NPHS1: variants seen among roughly 807,000 people sequenced by gnomAD.
NPHS1 encodes nephrin.
In NPHS1, 107 loss-of-function variants were observed where a neutral mutation model predicts 139.7. That is an observed-to-expected ratio of 0.77 (90% confidence interval 0.66 to 0.90). The LOEUF (loss-of-function observed/expected upper bound fraction) is 0.90, where lower values mean the gene tolerates loss of function less well. Among genes scored for constraint, NPHS1 ranks in the 40% least tolerant of loss-of-function variants. NPHS1 has a pLI of 0.00. For missense variants in NPHS1, 1,580 were observed against 1,654.2 expected, an observed-to-expected ratio of 0.96 and a Z score of 0.78; for synonymous variants, 707 against 706.6, an observed-to-expected ratio of 1.00 and a Z score of -0.01.
chr19:35,846,494 G>C (rs902512587), intron 11 of NPHS1, among the ~76,000 whole-genome samples: 11 of 152,148 alleles, frequency 7.2e-5, no homozygotes, highest in African/African-American at 2.4e-4. Flanking sequence ...CCACCTGCAG[G>C]CTCTCAGCGC....
Position 35,849,360 on chromosome 19 carries a change from G to A in NPHS1, c.716C>T (p.Pro239Leu), listed in dbSNP as rs1461068396. 1.2e-6 allele frequency: 2 copies of A among 1,611,144 alleles called. No individual in the cohort carries two copies. The highest frequency in any genetic ancestry group is 1.7e-6 in the Non-Finnish European group (2 of 1,179,320). The stretch of plus-strand genomic sequence containing the variant: ...CCACTCGATGACAGGGGGTCCTGGA[G>A]GGACTGGGGGATATCAGTCACTCAG... ...KASFTVNVLFPPGPPVIEWPG... is the reference protein window; with the variant it reads ...KASFTVNVLFLPGPPVIEWPG... The change falls in exon 7 of 29, where the codon CCT (proline) becomes CTT (leucine). Residue 239 changes from proline (P) to leucine (L), a missense_variant. By Grantham distance (98) the Pro-to-Leu change is moderately conservative (BLOSUM62 -3). Transcript: ENST00000378910.
At position 35,844,232 on chromosome 19, in the gene NPHS1, G is replaced by A. The variant is rs2146822039; in HGVS notation, c.2083C>T (p.Arg695Trp). 6 of 1,612,744 alleles carry A rather than the reference G, an allele frequency of 3.7e-6. No homozygotes were observed. The highest frequency in any genetic ancestry group is 4.2e-6 in the Non-Finnish European group (5 of 1,179,808). Residue 695 changes from arginine (R) to tryptophan (W), a missense_variant, in exon 16 of 29, where the codon CGG (arginine) becomes TGG (tryptophan). Arg to Trp is a moderately radical substitution (Grantham distance 101, BLOSUM62 -3). Coordinates refer to ENST00000378910, the MANE Select transcript of NPHS1 (RefSeq NM_004646.4). Reference protein sequence around the residue: ...GYRLSPAGGPRHRILSSGALH... With the variant: ...GYRLSPAGGPWHRILSSGALH... ...GCCCCGCTGGACAGGATGCGATGCC[G>A]GGGGCCGCCCGCTGGGGAAGGCCAG...
rs1191357267 is a variant in NPHS1 at position 35,848,678 on chromosome 19, C to T, written c.1129G>A (p.Gly377Ser). The change falls in exon 9 of 29, where the codon GGC becomes AGC. Residue 377 changes from glycine (G) to serine (S), a missense_variant. By Grantham distance (56) the Gly-to-Ser change is moderately conservative (BLOSUM62 0). Coordinates refer to ENST00000378910, the MANE Select transcript of NPHS1 (RefSeq NM_004646.4). ...TCCATGGGCAGCAGCTGCCGCCAGC[C>T]CAGCCACCATCGTAGCAGAACCCGC... The part of the protein sequence containing the change: ...RPRVLLRWWL[G>S]WRQLLPMEET... 1 of 1,613,968 alleles carries T rather than the reference C, an allele frequency of 6.2e-7. No individual in the cohort carries two copies. The highest frequency in any genetic ancestry group is 8.5e-7 in the Non-Finnish European group (1 of 1,180,046).
chr19:35,850,497 T>G, intron 4 of NPHS1, 52 bp from the exon 5 acceptor site: 1 of 1,505,476 alleles, frequency 6.6e-7, no homozygotes, highest in South Asian at 1.1e-5. Context: ...CAAGATAGAT[T>G]CTGGGGAGCA....
At chr19:35,846,297 A>T in intron 11 of NPHS1, 103 bp from the exon 12 acceptor site, 2 of 1,256,996 alleles carry the variant, frequency 1.6e-6, no homozygotes, top group Non-Finnish European at 2.2e-6. Flanking sequence ...AGCCCAAACA[A>T]AGCCTTTTTC....
At position 35,845,482 on chromosome 19, in the gene NPHS1, T is replaced by A; in HGVS notation, c.1816A>T (p.Arg606Trp). Residue 606 changes from arginine (R) to tryptophan (W), a missense_variant, in exon 14 of 29, where the codon AGG becomes TGG. By Grantham distance (101) the Arg-to-Trp change is moderately radical. Coordinates refer to ENST00000378910, the MANE Select transcript of NPHS1 (RefSeq NM_004646.4). The surrounding 1 kb of genome is among the most constrained non-coding windows in gnomAD (Gnocchi z 5.5). ...GATGACACTTGCAGAAGGACGCTCC[T>A]GGCGGCGGCGGAGCCTTTGAATGGG... ...RAPFKGSAAA[R>W]SVLLQVSSRD... is the part of the protein sequence containing the mutation. The A allele has an allele frequency of 6.2e-7, 1 of 1,613,548 alleles. No individual in the cohort carries two copies. Among genetic ancestry groups the A allele is most frequent in the Non-Finnish European group, 8.5e-7 (1 of 1,179,894 alleles).
intron 22 of NPHS1, among the ~76,000 whole-genome samples, chr19:35,838,131 C>G (rs774625774): frequency 1.6e-4 from 24 of 151,548 alleles, no homozygotes; most frequent in Non-Finnish European, 3.4e-4. Context: ...GTAATCCCAG[C>G]TACTTGGGAG....
chr19:35,829,283 CA>C (rs1377515598), intron 28 of NPHS1, among the ~76,000 whole-genome samples: 8 of 152,336 alleles, frequency 5.3e-5, no homozygotes, highest in Admixed American at 3.3e-4. Flanking sequence ...AATTAAGTGT[CA>C]GCATTGGGCA....
At chr19:35,834,690 G>C (rs1343387813) in intron 23 of NPHS1, among the ~76,000 whole-genome samples, 1 of 151,918 alleles carries the variant, frequency 6.6e-6, no homozygotes, top group Non-Finnish European at 1.5e-5. Context: ...AGGAGTTAAA[G>C]ACCATCCTGG....
chr19:35,847,344 C>CTTTTTTT lies in NPHS1; in HGVS notation c.1440+690_1440+696dup, dbSNP rs34920536. On this transcript the variant is annotated intron_variant, in intron 11 of 28. Transcript: ENST00000378910. ...ACAGGCGTGAGCCACTGTGCCCAGCCTTTTTTTTTTTTTTTTTTTTTTTTT... is the reference window on the plus strand; with the variant it reads ...ACAGGCGTGAGCCACTGTGCCCAGCCTTTTTTTTTTTTTTTTTTTTTTTTTTTTTTTT... 1.8e-4 allele frequency among the ~76,000 whole-genome samples: 11 copies of CTTTTTTT among 59,880 alleles called. No individual in the cohort carries two copies. In the East Asian group the frequency reaches 2.9e-3, roughly 16 times the overall value. 39.3% of individuals were successfully genotyped at this position (59,880 alleles called of 152,430 possible). A position where few individuals can be genotyped will look rare whatever the true frequency, so the allele number is the denominator to read the frequency against.
chr19:35,832,161 A>T (rs1238746296), intron 23 of NPHS1, among the ~76,000 whole-genome samples: 3 of 152,188 alleles, frequency 2.0e-5, no homozygotes, highest in African/African-American at 7.2e-5. Flanking sequence ...GAATCACTGA[A>T]GCAAATTCAC....
chr19:35,839,259 G>A lies in NPHS1; in HGVS notation c.3087C>T (p.Thr1029=). ...LGDSGLADKG[T]QLPITTPGLH... Reference sequence around the variant, plus strand: ...CACCTGGGGTAGTGATGGGAAGCTGGGTCCCTTTGTCAGCCAGTCCACTGT... The same window carrying A: ...CACCTGGGGTAGTGATGGGAAGCTGAGTCCCTTTGTCAGCCAGTCCACTGT... Residue 1029 remains threonine, a synonymous_variant, in exon 22 of 29, where the codon ACC becomes ACT. Coordinates refer to ENST00000378910, the MANE Select transcript of NPHS1 (RefSeq NM_004646.4). 6.2e-7 allele frequency: 1 copy of A among 1,614,144 alleles called. No homozygotes were observed. The highest frequency in any genetic ancestry group is 8.5e-7 in the Non-Finnish European group (1 of 1,180,024).
At position 35,840,555 on chromosome 19, in the gene NPHS1, C is replaced by T. The variant is rs528249054; in HGVS notation, c.2816-948G>A. ...TTCACTATGTTAGCCAGGATGGTCT[C>T]GATCTCCTGACCTCGTGATCCACCC... On this transcript the variant is annotated intron_variant, in intron 20 of 28. Transcript: ENST00000378910. Among the ~76,000 whole-genome samples the T allele has an allele frequency of 3.4e-3, 508 of 151,258 alleles. 2 individuals are homozygous for T. Among genetic ancestry groups the T allele is most frequent in the Non-Finnish European group, 5.4e-3 (367 of 67,886 alleles).
chr19:35,844,505 G>A, intron 14 of NPHS1, 46 bp from the exon 15 acceptor site: 1 of 1,539,386 alleles, frequency 6.5e-7, no homozygotes, highest in South Asian at 1.2e-5. Context: ...GTTAAGGTTA[G>A]GGTCAAGGAC....
rs1972909041 is a variant in NPHS1 at position 35,833,321 on chromosome 19, C to T, written c.3167-1559G>A. ...TTGGGCGGGCAATCTCCCCTGTCTT[C>T]TACTAATAGCACTTTTTTCCCCTGG... is the stretch of plus-strand genomic sequence containing the variant. On this transcript the variant is annotated intron_variant, in intron 23 of 28. Coordinates refer to ENST00000378910, the MANE Select transcript of NPHS1 (RefSeq NM_004646.4). Among the ~76,000 whole-genome samples, 3 of 152,178 alleles carry T rather than the reference C, an allele frequency of 2.0e-5. No individual in the cohort carries two copies. The South Asian group carries it at 6.2e-4, about 31-fold the overall frequency.
At chr19:35,842,666 T>C (rs575142862) in intron 17 of NPHS1, 116 bp from the exon 18 acceptor site, 10 of 1,056,226 alleles carry the variant, frequency 9.5e-6, no homozygotes, top group South Asian at 5.3e-5. Flanking sequence ...CACAGAGGTA[T>C]TGAAGAAAAA....
Position 35,848,690 on chromosome 19 carries a change from G to C in NPHS1, c.1117C>G (p.Arg373Gly). Residue 373 changes from arginine (R) to glycine (G), a missense_variant, in exon 9 of 29, where the codon CGA (arginine) becomes GGA (glycine). Physicochemically the swap from Arg to Gly is moderately radical, Grantham distance 125. Coordinates refer to ENST00000378910, the MANE Select transcript of NPHS1 (RefSeq NM_004646.4). ...AGCTGCCGCCAGCCCAGCCACCATC[G>C]TAGCAGAACCCGCGGGCGACTGGAC... ...SKSSRPRVLL[R>G]WWLGWRQLLP... 6.2e-7 allele frequency: 1 copy of C among 1,614,118 alleles called. No homozygotes were observed.
chr19:35,847,270 C>A (rs1477981885), intron 11 of NPHS1, among the ~76,000 whole-genome samples: 2 of 150,658 alleles, frequency 1.3e-5, no homozygotes, highest in African/African-American at 2.4e-5. Flanking sequence ...TGGTCTCGAT[C>A]TCCTCACCTC....
intron 6 of NPHS1, 52 bp downstream of exon 6, chr19:35,849,498 C>A: frequency 6.3e-7 from 1 of 1,594,604 alleles, no homozygotes; most frequent in Non-Finnish European, 8.6e-7. Context: ...CCACACCCCC[C>A]AGTGCCTGCT....
Sources: gnomAD v4.1 joint callset for allele counts (sites outside exome capture counted in the v4.1 genomes callset) on GRCh38, gnomAD v4.1.1 for gene constraint, Gnocchi (gnomAD v3.1) non-coding constraint, MANE v1.5 for transcripts, NCBI Gene and HGNC (gene_info 2026-07-23, HGNC 2026-07-21) for gene names.